PCDH9: variants seen among roughly 807,000 people sequenced by gnomAD.
The protein encoded by PCDH9 is protocadherin-9.
A neutral mutation model predicts 70.6 loss-of-function variants in PCDH9; 24 were observed. The ratio of observed to expected loss-of-function variants is 0.34; its 90% CI spans 0.25 to 0.48. The LOEUF is 0.48. Among genes scored for constraint, PCDH9 ranks in the 20% least tolerant of loss-of-function variants. The pLI is 0.99. For synonymous variants in PCDH9, 562 were observed against 558.5 expected (o/e 1.01, Z -0.09); for missense variants, 1,281 against 1,503.6 (o/e 0.85, Z 2.45).
At chr13:67,009,673 T>G (rs1397767016) in intron 2 of PCDH9, among the ~76,000 whole-genome samples, 1 of 152,082 alleles carries the variant, frequency 6.6e-6, no homozygotes, top group East Asian at 1.9e-4. Context: ...CACCCATCGT[T>G]GACTCTCAAG....
intron 4 of PCDH9, among the ~76,000 whole-genome samples, chr13:66,396,244 A>G (rs1193359278): frequency 6.6e-6 from 1 of 152,204 alleles, no homozygotes; most frequent in African/African-American, 2.4e-5. Context: ...CATTTGGGGA[A>G]GATGGGTTAT....
In PCDH9 at chr13:66,303,184, A is replaced by G. The variant is rs577471398; in HGVS notation, c.*1471T>C. On this transcript the variant is annotated 3_prime_UTR_variant, in exon 5 of 5. Coordinates refer to ENST00000377865, the MANE Select transcript of PCDH9 (RefSeq NM_203487.3). ...ATTAAGATAACTTCCACTTCTTTCA[A>G]TAAAGACATTTTGTTGCATGCTATT... 17 of 152,234 alleles carry G rather than the reference A, an allele frequency of 1.1e-4. No individual in the cohort carries two copies. The highest frequency in any genetic ancestry group is 4.1e-4 in the African/African-American group (17 of 41,396). The allele number at this position is 152,234 out of a possible 1,614,324, so 9.4% of individuals were successfully genotyped here.
chr13:67,142,074 GA>G (rs2087406855), intron 2 of PCDH9, among the ~76,000 whole-genome samples: 1 of 151,904 alleles, frequency 6.6e-6, no homozygotes. Context: ...ACCATCAAAA[GA>G]AAAAAATAAT....
intron 3 of PCDH9, among the ~76,000 whole-genome samples, chr13:66,717,151 A>G (rs185480718): frequency 9.2e-4 from 140 of 152,114 alleles, no homozygotes; most frequent in African/African-American, 3.1e-3. Context: ...ACCATATGGC[A>G]ACTTTAAAAA....
intron 4 of PCDH9, among the ~76,000 whole-genome samples, chr13:66,545,042 C>T (rs116953504): frequency 0.016 from 2,507 of 152,102 alleles, 39 homozygotes; most frequent in East Asian, 0.04. Context: ...AAATACAGAT[C>T]GGATATAAAA....
chr13:66,486,489 A>C (rs1342977282), intron 4 of PCDH9, among the ~76,000 whole-genome samples: 1 of 151,902 alleles, frequency 6.6e-6, no homozygotes, highest in Non-Finnish European at 1.5e-5. Context: ...AAAAAAAATT[A>C]GCCAGGCATG....
At chr13:67,155,855 T>C (rs1199166438) in intron 2 of PCDH9, among the ~76,000 whole-genome samples, 2 of 152,126 alleles carry the variant, frequency 1.3e-5, no homozygotes, top group Non-Finnish European at 2.9e-5. Flanking sequence ...ATTCTATTCA[T>C]ACCTTAGAAA....
chr13:66,715,777 C>T (rs1423156275), intron 3 of PCDH9, among the ~76,000 whole-genome samples: 1 of 152,078 alleles, frequency 6.6e-6, no homozygotes, highest in Non-Finnish European at 1.5e-5. Context: ...TAACAAAAAC[C>T]AATAGATCAA....
intron 3 of PCDH9, among the ~76,000 whole-genome samples, chr13:66,730,890 TGTTTC>T (rs1425630134): frequency 0.09 from 5,435 of 60,256 alleles, 543 homozygotes; most frequent in South Asian, 0.25. Context: ...TTTTTTTGTT[TGTTTC>T]TTTTTTTTTG....
intron 4 of PCDH9, among the ~76,000 whole-genome samples, chr13:66,367,171 G>A (rs1016787308): frequency 1.3e-5 from 2 of 151,802 alleles, no homozygotes; most frequent in African/African-American, 4.8e-5. Context: ...TATTATGTAG[G>A]TTATTTATTC....
chr13:67,002,243 C>A (rs1677556192), intron 2 of PCDH9, among the ~76,000 whole-genome samples: 1 of 151,934 alleles, frequency 6.6e-6, no homozygotes, highest in Non-Finnish European at 1.5e-5. Context: ...ATGTCAATAA[C>A]CTCACTATTA....
At chr13:66,631,067 C>T in intron 4 of PCDH9, 143 bp downstream of exon 4, 1 of 590,318 alleles carries the variant, frequency 1.7e-6, no homozygotes, top group South Asian at 2.2e-5. Context: ...AAATGTATAT[C>T]TCAAAGAATA....
At chr13:66,829,081 G>A (rs1159057324) in intron 3 of PCDH9, among the ~76,000 whole-genome samples, 1 of 151,936 alleles carries the variant, frequency 6.6e-6, no homozygotes, top group Non-Finnish European at 1.5e-5. Flanking sequence ...GCCATGGTGC[G>A]ATCTCAGCTC....
intron 2 of PCDH9, among the ~76,000 whole-genome samples, chr13:67,161,994 T>G (rs2087975766): frequency 6.6e-6 from 1 of 152,192 alleles, no homozygotes; most frequent in Non-Finnish European, 1.5e-5. Context: ...GCTAGCCTAA[T>G]CCACAGTCTA....
At chr13:66,988,416 T>C (rs968216459) in intron 2 of PCDH9, among the ~76,000 whole-genome samples, 2 of 152,030 alleles carry the variant, frequency 1.3e-5, no homozygotes, top group Admixed American at 6.6e-5. Flanking sequence ...CAGCTCCTTA[T>C]GCTATTTATC....
At chr13:66,838,871 G>A (rs2081068783) in intron 3 of PCDH9, among the ~76,000 whole-genome samples, 1 of 151,802 alleles carries the variant, frequency 6.6e-6, no homozygotes, top group African/African-American at 2.4e-5. Flanking sequence ...AGGGAGAAAC[G>A]ATCACTTTAA....
intron 3 of PCDH9, among the ~76,000 whole-genome samples, chr13:66,714,054 A>G (rs776884946): frequency 1.2e-4 from 19 of 152,284 alleles, no homozygotes; most frequent in South Asian, 2.1e-4. Context: ...ATACTTTTGA[A>G]GGCTATTGCA....
chr13:66,485,563 GAA>G (rs1958921898), intron 4 of PCDH9, among the ~76,000 whole-genome samples: 1 of 151,918 alleles, frequency 6.6e-6, no homozygotes, highest in African/African-American at 2.4e-5. Flanking sequence ...AAAGGCACCA[GAA>G]ATGCATACAG....
chr13:66,620,129 T>C (rs765560424), intron 4 of PCDH9, among the ~76,000 whole-genome samples: 2 of 152,194 alleles, frequency 1.3e-5, no homozygotes, highest in Non-Finnish European at 2.9e-5. Flanking sequence ...TTTCCTTTCA[T>C]CTCCTATATC....
Sources: allele counts gnomAD v4.1 joint callset (sites outside exome capture counted in the v4.1 genomes callset), GRCh38; gene constraint gnomAD v4.1.1; transcripts MANE v1.5; gene names NCBI Gene and HGNC (gene_info 2026-07-23, HGNC 2026-07-21).